The following ALK variants were observed in gnomAD, a reference collection of about 807,000 sequenced individuals.
The protein encoded by ALK is ALK tyrosine kinase receptor.
Under a neutral mutation model 163.1 loss-of-function variants are expected in ALK, and 74 were observed. That is an observed-to-expected ratio of 0.45 (90% CI 0.38 to 0.55). ALK has a LOEUF of 0.55. Among genes scored for constraint, ALK ranks in the 20% least tolerant of loss-of-function variants. The pLI, the probability that ALK is intolerant of heterozygous loss-of-function variation, is 0.00. For missense variants in ALK, 2,063 were observed against 2,105.3 expected (o/e 0.98, Z 0.39); for synonymous variants, 960 against 843.2 (o/e 1.14, Z -2.40).
intron 12 of ALK, 47 bp from the exon 13 acceptor site, chr2:29,239,877 G>C (rs986979063): frequency 1.1e-5 from 17 of 1,590,806 alleles, no homozygotes; most frequent in East Asian, 2.2e-5. Flanking sequence ...TATGAAGACT[G>C]TCCCCCTTCC....
chr2:29,566,466 A>T (rs1674192933), intron 3 of ALK, among the ~76,000 whole-genome samples: 1 of 152,206 alleles, frequency 6.6e-6, no homozygotes, highest in African/African-American at 2.4e-5. Context: ...TCCCAAGTAC[A>T]CTCATGTGTT....
chr2:29,519,280 T>C (rs1044301122), intron 4 of ALK, among the ~76,000 whole-genome samples: 1 of 152,228 alleles, frequency 6.6e-6, no homozygotes, highest in Admixed American at 6.5e-5. Flanking sequence ...TGGAAGAGCC[T>C]CTTGCATTGT....
At chr2:29,619,209 G>T (rs1050513180) in intron 3 of ALK, among the ~76,000 whole-genome samples, 4 of 152,194 alleles carry the variant, frequency 2.6e-5, no homozygotes, top group African/African-American at 9.6e-5. Context: ...ATGGGTGGAA[G>T]TTGGGATGAT....
intron 3 of ALK, among the ~76,000 whole-genome samples, chr2:29,675,028 T>G (rs2148273859): frequency 6.6e-6 from 1 of 151,874 alleles, no homozygotes. Flanking sequence ...ATATCCCCTT[T>G]ATCATTTTTT....
intron 1 of ALK, among the ~76,000 whole-genome samples, chr2:29,813,102 G>C (rs1044558234): frequency 2.0e-5 from 3 of 152,138 alleles, no homozygotes; most frequent in Non-Finnish European, 4.4e-5. Context: ...ATTATTTCTA[G>C]ATGAAGACAC....
chr2:29,319,985 G>T (rs1384327917), intron 7 of ALK, among the ~76,000 whole-genome samples: 2 of 152,198 alleles, frequency 1.3e-5, no homozygotes, highest in Non-Finnish European at 2.9e-5. Context: ...TGGGCACCAG[G>T]GCCTGCCCGG....
chr2:29,864,297 C>T (rs983308993), intron 1 of ALK, among the ~76,000 whole-genome samples: 1 of 152,172 alleles, frequency 6.6e-6, no homozygotes, highest in Non-Finnish European at 1.5e-5. Context: ...CGGGTCTTTG[C>T]CCAAACCACT....
intron 3 of ALK, among the ~76,000 whole-genome samples, chr2:29,586,697 A>G (rs569520880): frequency 1.3e-5 from 2 of 152,352 alleles, no homozygotes; most frequent in East Asian, 3.9e-4. Context: ...CAACTTGTGC[A>G]GTGTGATTGG....
chr2:29,458,862 G>A (rs181914807), intron 4 of ALK, among the ~76,000 whole-genome samples: 2 of 152,204 alleles, frequency 1.3e-5, no homozygotes. Flanking sequence ...CCTTTTGTTT[G>A]GTGTTCCCCT....
At chr2:29,570,656 G>A (rs1333240370) in intron 3 of ALK, among the ~76,000 whole-genome samples, 2 of 152,176 alleles carry the variant, frequency 1.3e-5, no homozygotes, top group African/African-American at 4.8e-5. Context: ...CCAGGGCAAG[G>A]ATCCTCAAAG....
chr2:29,384,415 G>A (rs1021237876), intron 4 of ALK, among the ~76,000 whole-genome samples: 1 of 152,154 alleles, frequency 6.6e-6, no homozygotes, highest in Admixed American at 6.5e-5. Flanking sequence ...GGGGTAAAAG[G>A]TACCTAAGAC....
At chr2:29,431,924 T>TGTCCC (rs1168798382) in intron 4 of ALK, among the ~76,000 whole-genome samples, 1 of 152,012 alleles carries the variant, frequency 6.6e-6, no homozygotes, top group Non-Finnish European at 1.5e-5. Context: ...GAGAATATCC[T>TGTCCC]GTCCCGTCCC....
chr2:29,244,071 C>T lies in ALK; in HGVS notation c.2205-4241G>A, dbSNP rs1035908714. Among the ~76,000 whole-genome samples, 3 of 152,224 alleles carry T rather than the reference C, an allele frequency of 2.0e-5. No homozygotes were observed. The South Asian group carries it at 6.2e-4, about 32-fold the overall frequency. On this transcript the variant is annotated intron_variant, in intron 12 of 28. Transcript: ENST00000389048. Reference sequence around the variant, plus strand: ...TGCCTGCCGGATCCTGAAATGAGAGCACAGCTGGTGTGTAGCACATCCACA... The same window carrying T: ...TGCCTGCCGGATCCTGAAATGAGAGTACAGCTGGTGTGTAGCACATCCACA...
intron 8 of ALK, among the ~76,000 whole-genome samples, chr2:29,305,045 T>G (rs1262293860): frequency 2.0e-5 from 3 of 152,214 alleles, no homozygotes; most frequent in Non-Finnish European, 4.4e-5. Context: ...GTTTCTAAAG[T>G]GCAGCCTGGG....
chr2:29,798,684 C>G (rs995358698), intron 1 of ALK, among the ~76,000 whole-genome samples: 4 of 152,174 alleles, frequency 2.6e-5, no homozygotes, highest in African/African-American at 9.7e-5. Context: ...CATGGACATC[C>G]AAAGGTAGGA....
At chr2:29,675,292 G>T (rs1231971355) in intron 3 of ALK, among the ~76,000 whole-genome samples, 1 of 151,550 alleles carries the variant, frequency 6.6e-6, no homozygotes, top group African/African-American at 2.4e-5. Context: ...AATTAATTTG[G>T]CCAGTTCACT....
At chr2:29,477,192 G>A (rs1000605665) in intron 4 of ALK, among the ~76,000 whole-genome samples, 1 of 152,122 alleles carries the variant, frequency 6.6e-6, no homozygotes, top group African/African-American at 2.4e-5. Context: ...GAAGGTCTGA[G>A]TGGGTCCTAG....
At position 29,220,762 on chromosome 2, in the gene ALK, C is replaced by T. The variant is rs1295056005; in HGVS notation, c.3589G>A (p.Glu1197Lys). 1 of 1,614,018 alleles carries T rather than the reference C, an allele frequency of 6.2e-7. No homozygotes were observed. The highest frequency in any genetic ancestry group is 1.7e-5 in the Admixed American group (1 of 60,018). ...LQSLPRFILL[E>K]LMAGGDLKSF... is the part of the protein sequence containing the mutation. The stretch of plus-strand genomic sequence containing the variant: ...TTGAGGTCTCCCCCCGCCATGAGCT[C>T]CAGCAGGATGAACCGGGGCAGGGAT... Residue 1197 changes from glutamate to lysine, a missense_variant, in exon 23 of 29, where the codon GAG becomes AAG. Coordinates refer to ENST00000389048, the MANE Select transcript of ALK (RefSeq NM_004304.5).
At chr2:29,646,543 G>C (rs10190615) in intron 3 of ALK, among the ~76,000 whole-genome samples, 15,754 of 152,002 alleles carry the variant, frequency 0.1, 1,502 homozygotes, top group African/African-American at 0.25. Context: ...TTTCCAAGAC[G>C]CTTACAGCCT....
Sources: allele counts gnomAD v4.1 joint callset (sites outside exome capture counted in the v4.1 genomes callset), GRCh38; gene constraint gnomAD v4.1.1; transcripts MANE v1.5; gene names NCBI Gene and HGNC (gene_info 2026-07-23, HGNC 2026-07-21).